The following LARS2 variants were observed in gnomAD, a reference collection of about 807,000 sequenced individuals.
LARS2 encodes the protein leucyl-tRNA synthetase 2, mitochondrial, also known as leucine--tRNA ligase, mitochondrial.
Under a neutral mutation model 116.6 loss-of-function variants are expected in LARS2, and 81 were observed. The observed-to-expected ratio is 0.69, with a 90% CI of 0.58 to 0.84. The LOEUF (loss-of-function observed/expected upper bound fraction) is 0.84, where lower values mean the gene tolerates loss of function less well. Ranked by LOEUF, LARS2 falls within the 40% of genes least tolerant of loss-of-function variation. The pLI is 0.00. For synonymous variants in LARS2, 396 were observed against 407.2 expected, an observed-to-expected ratio of 0.97 and a Z score of 0.33; for missense variants, 968 against 1,114.5, an observed-to-expected ratio of 0.87 and a Z score of 1.87.
intron 10 of LARS2, among the ~76,000 whole-genome samples, chr3:45,479,843 G>A (rs1032863964): frequency 6.6e-6 from 1 of 151,950 alleles, no homozygotes; most frequent in African/African-American, 2.4e-5. Context: ...CAAACCCTGG[G>A]GCTTTGGAAC....
At chr3:45,436,701 A>G (rs1017102089) in intron 6 of LARS2, among the ~76,000 whole-genome samples, 1 of 151,560 alleles carries the variant, frequency 6.6e-6, no homozygotes, top group Non-Finnish European at 1.5e-5. Context: ...GGCTGAGGCA[A>G]GAGAATGGCG....
At chr3:45,465,800 C>G (rs1226782828) in intron 8 of LARS2, among the ~76,000 whole-genome samples, 1 of 152,198 alleles carries the variant, frequency 6.6e-6, no homozygotes, top group Non-Finnish European at 1.5e-5. Flanking sequence ...AGATGTCCCC[C>G]ACCAATGCCT....
chr3:45,504,693 A>G (rs909460957), intron 15 of LARS2, among the ~76,000 whole-genome samples: 1 of 151,912 alleles, frequency 6.6e-6, no homozygotes, highest in Non-Finnish European at 1.5e-5. Context: ...GTCATTGATA[A>G]TGGGAATTGT....
At chr3:45,394,959 A>G (rs372293755) in intron 3 of LARS2, among the ~76,000 whole-genome samples, 11 of 152,336 alleles carry the variant, frequency 7.2e-5, no homozygotes, top group African/African-American at 2.4e-4. Context: ...GGATGCACAC[A>G]TAGTAATATT....
At chr3:45,528,390 T>C (rs1700563535) in intron 20 of LARS2, among the ~76,000 whole-genome samples, 1 of 152,198 alleles carries the variant, frequency 6.6e-6, no homozygotes, top group Non-Finnish European at 1.5e-5. Context: ...GTGTATTGTA[T>C]TTTGTGTCCA....
chr3:45,482,018 G>A (rs901590418), intron 10 of LARS2, among the ~76,000 whole-genome samples: 1 of 152,100 alleles, frequency 6.6e-6, no homozygotes, highest in South Asian at 2.1e-4. Context: ...GTTAATTTTT[G>A]TATATGGCAT....
intron 1 of LARS2, among the ~76,000 whole-genome samples, chr3:45,390,227 T>A (rs1660748026): frequency 6.6e-6 from 1 of 152,278 alleles, no homozygotes; most frequent in African/African-American, 2.4e-5. Flanking sequence ...AAAGTTGATC[T>A]TTTTCATATT....
At chr3:45,394,326 G>A in intron 2 of LARS2, 107 bp from the exon 3 acceptor site, 2 of 628,450 alleles carry the variant, frequency 3.2e-6, no homozygotes, top group Non-Finnish European at 5.6e-6. Flanking sequence ...ATTATTAAAA[G>A]TAAGAGGAAA....
intron 9 of LARS2, among the ~76,000 whole-genome samples, chr3:45,475,837 A>G (rs897521727): frequency 2.0e-5 from 3 of 152,182 alleles, no homozygotes; most frequent in African/African-American, 7.2e-5. Context: ...CACTCTGTCA[A>G]TGTGTTTGAA....
chr3:45,502,817 G>A (rs889294655), intron 15 of LARS2, among the ~76,000 whole-genome samples: 1 of 151,922 alleles, frequency 6.6e-6, no homozygotes, highest in Non-Finnish European at 1.5e-5. Context: ...ATTTCTAGAA[G>A]TTCTAGGTTT....
At chr3:45,389,548 T>G (rs1487802836) in intron 1 of LARS2, among the ~76,000 whole-genome samples, 1 of 152,224 alleles carries the variant, frequency 6.6e-6, no homozygotes, top group African/African-American at 2.4e-5. Flanking sequence ...GCCCTTCCTA[T>G]TCTCAAAAAC....
chr3:45,463,076 A>C (rs547745164), intron 8 of LARS2, among the ~76,000 whole-genome samples: 2 of 152,312 alleles, frequency 1.3e-5, no homozygotes, highest in Non-Finnish European at 2.9e-5. Flanking sequence ...AGCACTGCTG[A>C]GGTGACAGCA....
At chr3:45,445,719 G>T (rs1319641621) in intron 6 of LARS2, among the ~76,000 whole-genome samples, 3 of 152,122 alleles carry the variant, frequency 2.0e-5, no homozygotes, top group Non-Finnish European at 2.9e-5. Context: ...TTATTACTCT[G>T]CTGTTTTTAT....
intron 6 of LARS2, among the ~76,000 whole-genome samples, chr3:45,429,470 A>G (rs950719742): frequency 2.0e-5 from 3 of 152,114 alleles, no homozygotes; most frequent in African/African-American, 4.8e-5. Flanking sequence ...CCCTCCAGCA[A>G]TGCATTCCCT....
chr3:45,479,752 A>G (rs1012669083), intron 10 of LARS2, among the ~76,000 whole-genome samples: 1 of 152,238 alleles, frequency 6.6e-6, no homozygotes, highest in African/African-American at 2.4e-5. Context: ...AAAGGCATCA[A>G]TGGGGAAATA....
chr3:45,451,043 AT>A (rs1287973627), intron 7 of LARS2, among the ~76,000 whole-genome samples: 4 of 151,038 alleles, frequency 2.6e-5, no homozygotes, highest in Non-Finnish European at 5.9e-5. Flanking sequence ...GAGTATTTGG[AT>A]TTTTGTTTGT....
intron 2 of LARS2, among the ~76,000 whole-genome samples, chr3:45,393,581 GA>G (rs987902527): frequency 6.7e-6 from 1 of 148,338 alleles, no homozygotes; most frequent in African/African-American, 2.5e-5. Context: ...TCTCAAAAAA[GA>G]AAAAAAAACA....
intron 8 of LARS2, among the ~76,000 whole-genome samples, chr3:45,462,473 A>T (rs1010644589): frequency 6.6e-6 from 1 of 152,036 alleles, no homozygotes; most frequent in Non-Finnish European, 1.5e-5. Context: ...AGTGCCAAAA[A>T]CTGTTCCTTT....
At chr3:45,463,139 A>G (rs1429035628) in intron 8 of LARS2, among the ~76,000 whole-genome samples, 1 of 152,198 alleles carries the variant, frequency 6.6e-6, no homozygotes, top group Non-Finnish European at 1.5e-5. Flanking sequence ...AGGGATTCAG[A>G]GTCTGATGGA....
Sources: gnomAD v4.1 joint callset for allele counts (sites outside exome capture counted in the v4.1 genomes callset) on GRCh38, gnomAD v4.1.1 for gene constraint, MANE v1.5 for transcripts, NCBI Gene and HGNC (gene_info 2026-07-23, HGNC 2026-07-21) for gene names.